Variants in RUNX3 observed in about 807,000 individuals in gnomAD.
RUNX3 encodes RUNX family transcription factor 3, also known as runt-related transcription factor 3.
In RUNX3, 10 loss-of-function variants were observed where a neutral mutation model predicts 27.7. The observed-to-expected ratio is 0.36, with a 90% CI of 0.22 to 0.61. RUNX3 has a LOEUF of 0.61. Ranked by LOEUF, RUNX3 falls within the 20% of genes least tolerant of loss-of-function variation. The pLI is 0.72. For missense variants in RUNX3, 469 were observed against 629.5 expected (o/e 0.75, Z 2.73); for synonymous variants, 270 against 269.2 (o/e 1.00, Z -0.03).
intron 2 of RUNX3, among the ~76,000 whole-genome samples, chr1:24,951,010 C>T (rs953784408): frequency 6.6e-6 from 1 of 151,912 alleles, no homozygotes; most frequent in Non-Finnish European, 1.5e-5. Flanking sequence ...GATTGAGACC[C>T]TCCTGGATAA....
At chr1:24,949,988 C>T (rs886758613) in intron 2 of RUNX3, among the ~76,000 whole-genome samples, 3 of 152,232 alleles carry the variant, frequency 2.0e-5, no homozygotes, top group African/African-American at 4.8e-5. Context: ...CCCCAGGAGC[C>T]GTTGCTCCCT....
rs1640539206 is a variant in RUNX3 at position 24,901,093 on chromosome 1, G to T, written c.*1029C>A. On this transcript the variant is annotated 3_prime_UTR_variant, in exon 5 of 5. Coordinates refer to ENST00000308873, the MANE Select transcript of RUNX3 (RefSeq NM_004350.3). Reference sequence around the variant, plus strand: ...CTTTCAGAGCACAAAACAGGTTACAGACAGGTGTGTGCCAGGAGTCGCAAG... The same window carrying T: ...CTTTCAGAGCACAAAACAGGTTACATACAGGTGTGTGCCAGGAGTCGCAAG... 1.5e-5 allele frequency: 2 copies of T among 130,404 alleles called. No individual in the cohort carries two copies. The highest frequency in any genetic ancestry group is 3.1e-5 in the Non-Finnish European group (2 of 64,684). The allele number at this position is 130,404 out of a possible 1,614,324, so 8.1% of individuals were successfully genotyped here. A position where few individuals can be genotyped will look rare whatever the true frequency, so the allele number is the denominator to read the frequency against.
At position 24,907,306 on chromosome 1, in the gene RUNX3, A is replaced by T; in HGVS notation, c.656T>A (p.Leu219His). The T allele has an allele frequency of 6.2e-7, 1 of 1,612,176 alleles. No homozygotes were observed. Among genetic ancestry groups the T allele is most frequent in the Non-Finnish European group, 8.5e-7 (1 of 1,179,948 alleles). ...TPSTPSPRGS[L>H]STTSHFSSQP... Reference sequence around the variant, plus strand: ...GCTGCTGAAGTGGCTTGTGGTGCTGAGTGAGCCTCGGGGGCTGGGTGTGCT... The same window carrying T: ...GCTGCTGAAGTGGCTTGTGGTGCTGTGTGAGCCTCGGGGGCTGGGTGTGCT... The change falls in exon 4 of 5, where the codon CTC becomes CAC. Residue 219 changes from leucine to histidine, a missense_variant. Around this residue, in one of 3 missense-constraint regions of RUNX3, gnomAD observed 279 missense variants for 343.0 expected, o/e 0.81. Coordinates refer to ENST00000308873, the MANE Select transcript of RUNX3 (RefSeq NM_004350.3).
intron 2 of RUNX3, among the ~76,000 whole-genome samples, chr1:24,957,856 G>A (rs1405958661): frequency 6.6e-6 from 1 of 152,206 alleles, no homozygotes; most frequent in Non-Finnish European, 1.5e-5. Context: ...ACACAGCGAG[G>A]AAGTGGCAGA....
intron 3 of RUNX3, among the ~76,000 whole-genome samples, chr1:24,910,117 C>T (rs916424210): frequency 7.2e-5 from 11 of 152,012 alleles, no homozygotes; most frequent in African/African-American, 2.2e-4. Flanking sequence ...GGTGAAACCC[C>T]GTCTCTACTA....
intron 2 of RUNX3, among the ~76,000 whole-genome samples, chr1:24,921,046 A>G (rs1470538373): frequency 2.0e-5 from 3 of 152,100 alleles, no homozygotes; most frequent in African/African-American, 2.4e-5. Context: ...GGTAGGGGCC[A>G]ATGGTCTCGC....
intron 3 of RUNX3, among the ~76,000 whole-genome samples, chr1:24,911,611 A>G (rs1236806008): frequency 6.6e-6 from 1 of 152,202 alleles, no homozygotes; most frequent in Non-Finnish European, 1.5e-5. Flanking sequence ...AAGCAGAACT[A>G]TCATCCCCAT....
In RUNX3 at chr1:24,901,012, GTTTTGT is replaced by G. The variant is rs1640530656; in HGVS notation, c.*1104_*1109del. ...TTTTCTAAAATCAGTTTTAAAAACT[GTTTTGT>G]TTTTTTTTTGTTTTTTTGTTTTTTT... On this transcript the variant is annotated 3_prime_UTR_variant, in exon 5 of 5. Transcript: ENST00000308873. 1 of 137,968 alleles carries G rather than the reference GTTTTGT, an allele frequency of 7.2e-6. No individual in the cohort carries two copies. Among genetic ancestry groups the G allele is most frequent in the African/African-American group, 2.7e-5 (1 of 36,542 alleles). The allele number at this position is 137,968 out of a possible 1,614,324, so 8.5% of individuals were successfully genotyped here.
Position 24,910,288 on chromosome 1 carries a change from CAAAA to C in RUNX3, c.545-2875_545-2872del, listed in dbSNP as rs745858311. On this transcript the variant is annotated intron_variant, in intron 3 of 4. Transcript: ENST00000308873. The stretch of plus-strand genomic sequence containing the variant: ...TAGGTGACAGAGCAAGATTCCATCT[CAAAA>C]AAAAAAAAAAAAAAAAATGTGGGAG... Among the ~76,000 whole-genome samples, 37 of 81,410 alleles carry C rather than the reference CAAAA, an allele frequency of 4.5e-4. 1 individual carries two copies. The highest frequency in any genetic ancestry group is 1.6e-3 in the African/African-American group (34 of 21,088). The allele number at this position is 81,410 out of a possible 152,430, so 53.4% of individuals were successfully genotyped here. A position where few individuals can be genotyped will look rare whatever the true frequency, so the allele number is the denominator to read the frequency against.
In RUNX3 at chr1:24,927,760, G is replaced by T. The variant is rs1234549891; in HGVS notation, c.283-30C>A. 6.2e-7 allele frequency: 1 copy of T among 1,611,232 alleles called. No homozygotes were observed. The highest frequency in any genetic ancestry group is 2.2e-5 in the East Asian group (1 of 44,844). ...AGACACGGGGCGGGGGGATGCAGGG[G>T]GACAGCTTAGAAAGGAAGAGGGTGA... On this transcript the variant is annotated intron_variant, in intron 1 of 4. Coordinates refer to ENST00000308873, the MANE Select transcript of RUNX3 (RefSeq NM_004350.3). This position sits in a 1 kb window ranked among gnomAD's most constrained non-coding sequence, Gnocchi z 5.0.
intron 3 of RUNX3, among the ~76,000 whole-genome samples, chr1:24,915,803 G>A (rs928732698): frequency 1.3e-5 from 2 of 152,144 alleles, no homozygotes; most frequent in African/African-American, 4.8e-5. Flanking sequence ...GCACAGGCTA[G>A]GGGGGCGTGA....
At chr1:24,912,473 G>A (rs72874399) in intron 3 of RUNX3, among the ~76,000 whole-genome samples, 5,781 of 152,070 alleles carry the variant, frequency 0.038, 344 homozygotes, top group African/African-American at 0.12. Flanking sequence ...CCCAGTCCAG[G>A]AGCCCCTCCT....
intron 2 of RUNX3, among the ~76,000 whole-genome samples, chr1:24,921,978 T>A (rs149437125): frequency 2.6e-5 from 4 of 152,226 alleles, no homozygotes; most frequent in African/African-American, 9.6e-5. Flanking sequence ...TGAGACAAGG[T>A]CTTGCTCTGT....
At chr1:24,922,782 C>CAAAAAAAA (rs57671911) in intron 2 of RUNX3, among the ~76,000 whole-genome samples, 13 of 21,514 alleles carry the variant, frequency 6.0e-4, no homozygotes, top group East Asian at 1.8e-3. Context: ...GCCCACAGGG[C>CAAAAAAAA]AAAAAAAAAA....
At chr1:24,957,348 C>A (rs1641965423) in intron 2 of RUNX3, among the ~76,000 whole-genome samples, 1 of 151,110 alleles carries the variant, frequency 6.6e-6, no homozygotes, top group Non-Finnish European at 1.5e-5. Flanking sequence ...ATCCATCCAT[C>A]CATCCATCCA....
intron 2 of RUNX3, among the ~76,000 whole-genome samples, chr1:24,958,889 A>G (rs1642022872): frequency 6.6e-6 from 1 of 152,006 alleles, no homozygotes; most frequent in African/African-American, 2.4e-5. Flanking sequence ...GTGGGGGCAC[A>G]CTCTGGGTGG....
intron 1 of RUNX3, 41 bp downstream of exon 1, chr1:24,929,546 C>A (rs1396529604): frequency 3.3e-6 from 5 of 1,519,528 alleles, no homozygotes; most frequent in Middle Eastern, 1.9e-4. Flanking sequence ...ACGCCCGGAG[C>A]CCCAGGGCCG....
At chr1:24,938,709 G>A (rs1182303407) in intron 2 of RUNX3, among the ~76,000 whole-genome samples, 1 of 152,182 alleles carries the variant, frequency 6.6e-6, no homozygotes, top group African/African-American at 2.4e-5. Context: ...AAGTGATTAA[G>A]TGGTGAAGGC....
chr1:24,960,328 G>A (rs569536038), intron 2 of RUNX3, among the ~76,000 whole-genome samples: 11 of 152,310 alleles, frequency 7.2e-5, no homozygotes, highest in African/African-American at 2.6e-4. Flanking sequence ...CAAGGTTGGT[G>A]TAACCCCTAC....
Sources: allele counts gnomAD v4.1 joint callset (sites outside exome capture counted in the v4.1 genomes callset), GRCh38; gene constraint gnomAD v4.1.1; regional missense constraint gnomAD v4.1.1; non-coding constraint Gnocchi (gnomAD v3.1); transcripts MANE v1.5; gene names NCBI Gene and HGNC (gene_info 2026-07-23, HGNC 2026-07-21).